ABCD3: variants seen among roughly 807,000 people sequenced by gnomAD.
ABCD3 encodes the protein ATP-binding cassette sub-family D member 3.
A neutral mutation model predicts 105.5 loss-of-function variants in ABCD3; 41 were observed. That is an observed-to-expected ratio of 0.39 (90% CI 0.30 to 0.50). The LOEUF (loss-of-function observed/expected upper bound fraction) is 0.50. ABCD3 is among the 20% of genes least tolerant of loss of function. ABCD3 has a pLI of 0.84. For missense variants in ABCD3, 622 were observed against 806.3 expected (o/e 0.77, Z 2.77); for synonymous variants, 258 against 269.0 (o/e 0.96, Z 0.40).
At chr1:94,449,763 G>A (rs921735073) in intron 1 of ABCD3, among the ~76,000 whole-genome samples, 9 of 152,192 alleles carry the variant, frequency 5.9e-5, no homozygotes, top group South Asian at 2.1e-4. Flanking sequence ...CTCAGTCTGC[G>A]TGCCACAGCC....
chr1:94,494,248 A>C (rs2101032362), intron 16 of ABCD3, among the ~76,000 whole-genome samples: 1 of 152,230 alleles, frequency 6.6e-6, no homozygotes, highest in Non-Finnish European at 1.5e-5. Flanking sequence ...TTTCATTTGG[A>C]AAGTCTTGAG....
chr1:94,470,186 T>C (rs1370796642), intron 4 of ABCD3, among the ~76,000 whole-genome samples: 1 of 152,228 alleles, frequency 6.6e-6, no homozygotes, highest in Non-Finnish European at 1.5e-5. Flanking sequence ...GTCTTTCTTC[T>C]AGTCTCATAC....
intron 1 of ABCD3, among the ~76,000 whole-genome samples, chr1:94,448,364 A>C (rs1047727097): frequency 6.6e-6 from 1 of 152,222 alleles, no homozygotes; most frequent in Admixed American, 6.5e-5. Flanking sequence ...TTTTCCTAAA[A>C]CGAAACTGTT....
intron 1 of ABCD3, among the ~76,000 whole-genome samples, chr1:94,428,330 A>G (rs995703916): frequency 5.3e-5 from 8 of 152,204 alleles, no homozygotes; most frequent in Admixed American, 2.6e-4. Context: ...GATTTACTCT[A>G]TGCTTAAATT....
chr1:94,385,494 T>C, the ABCD3 span, among the ~76,000 whole-genome samples: 1 of 152,180 alleles, frequency 6.6e-6, no homozygotes, highest in Non-Finnish European at 1.5e-5. Flanking sequence ...ACCCATGCTG[T>C]TGCACAGAGC....
intron 1 of ABCD3, 91 bp downstream of exon 1, chr1:94,418,679 G>A: frequency 7.3e-7 from 1 of 1,371,058 alleles, no homozygotes; most frequent in Non-Finnish European, 1.0e-6. Flanking sequence ...AGGTCTCTTT[G>A]CCCGACGGGG....
the ABCD3 span, chr1:94,406,343 T>G: frequency 2.5e-5 from 5 of 199,830 alleles, no homozygotes; most frequent in East Asian, 4.0e-4. Context: ...TTGTTTTGTT[T>G]TTTTTTTTTT....
In ABCD3 at chr1:94,518,293, AC is replaced by A; in HGVS notation, c.*1165del. 2 of 152,388 alleles carry A rather than the reference AC, an allele frequency of 1.3e-5. No individual in the cohort carries two copies. Among genetic ancestry groups the A allele is most frequent in the South Asian group, 4.1e-4 (2 of 4,826 alleles). The allele number at this position is 152,388 out of a possible 1,614,324, so 9.4% of individuals were successfully genotyped here. ...ACTGAGTATAATCAATAAGCTAGAT[AC>A]GAAATCAGTTTCTCAAACTGAGCTT... On this transcript the variant is annotated 3_prime_UTR_variant, in exon 23 of 23. Coordinates refer to ENST00000370214, the MANE Select transcript of ABCD3 (RefSeq NM_002858.4).
intron 16 of ABCD3, among the ~76,000 whole-genome samples, chr1:94,494,245 T>A (rs1163768963): frequency 6.6e-6 from 1 of 152,184 alleles, no homozygotes; most frequent in South Asian, 2.1e-4. Flanking sequence ...GGGTTTCATT[T>A]GGAAAGTCTT....
intron 21 of ABCD3, among the ~76,000 whole-genome samples, chr1:94,511,641 G>A (rs1384839044): frequency 6.6e-6 from 1 of 152,144 alleles, no homozygotes; most frequent in Non-Finnish European, 1.5e-5. Flanking sequence ...ATCAGATGTA[G>A]ATTTGGTCTT....
chr1:94,478,782 T>G (rs1433165227), intron 8 of ABCD3: 1 of 675,720 alleles, frequency 1.5e-6, no homozygotes, highest in East Asian at 3.9e-5. Context: ...GACATCCATT[T>G]TAATATGAAA....
rs1245134600 is a variant in ABCD3 at position 94,518,041 on chromosome 1, A to G, written c.*912A>G. 2.0e-5 allele frequency: 3 copies of G among 151,924 alleles called. No individual in the cohort carries two copies. The highest frequency in any genetic ancestry group is 6.6e-5 in the Admixed American group (1 of 15,212). 9.4% of individuals were successfully genotyped at this position (151,924 alleles called of 1,614,324 possible). On this transcript the variant is annotated 3_prime_UTR_variant, in exon 23 of 23. Coordinates refer to ENST00000370214, the MANE Select transcript of ABCD3 (RefSeq NM_002858.4). ...CATGAAATAATGCACTGAGTATGCA[A>G]TGCTATCACTGTCTTTGACTGTGAT...
At chr1:94,392,106 C>T in the ABCD3 span, among the ~76,000 whole-genome samples, 1 of 152,184 alleles carries the variant, frequency 6.6e-6, no homozygotes, top group African/African-American at 2.4e-5. Flanking sequence ...CCCTATTCTC[C>T]TGCCTCTGTG....
upstream of ABCD3, among the ~76,000 whole-genome samples, chr1:94,416,189 A>T (rs1382637458): frequency 6.6e-6 from 1 of 152,152 alleles, no homozygotes; most frequent in Non-Finnish European, 1.5e-5. Flanking sequence ...ACTTTCTCAC[A>T]AGGTTCCCAA....
intron 1 of ABCD3, among the ~76,000 whole-genome samples, chr1:94,440,537 T>C (rs551909131): frequency 1.3e-5 from 2 of 152,330 alleles, no homozygotes; most frequent in South Asian, 4.1e-4. Context: ...TTGCTTACAG[T>C]GCTGTTTACT....
At chr1:94,469,244 G>T (rs1384861521) in intron 4 of ABCD3, among the ~76,000 whole-genome samples, 1 of 152,064 alleles carries the variant, frequency 6.6e-6, no homozygotes, top group Admixed American at 6.6e-5. Context: ...TTTCAAGAGT[G>T]TAAGTGTTCA....
chr1:94,497,310 T>C (rs1267033541), intron 16 of ABCD3, among the ~76,000 whole-genome samples: 1 of 152,250 alleles, frequency 6.6e-6, no homozygotes. Flanking sequence ...TTCATTAATA[T>C]GGCCTACTTG....
Position 94,475,622 on chromosome 1 carries a change from C to T in ABCD3, c.512C>T (p.Thr171Ile). ...TCTTCTTGCTATTTTAGAGCTTTCACATATTATAAAATGGGGAATCTGGAC... is the reference window on the plus strand; with the variant it reads ...TCTTCTTGCTATTTTAGAGCTTTCATATATTATAAAATGGGGAATCTGGAC... ...YLYEEYLQAF[T>I]YYKMGNLDNR... The change falls in exon 7 of 23, where the codon ACA becomes ATA. Residue 171 changes from threonine (T) to isoleucine (I), a missense_variant. Physicochemically the swap from Thr to Ile is moderately conservative, Grantham distance 89 (BLOSUM62 -1). This residue lies in a region of ABCD3 where 245 missense variants were observed against 356.4 expected (regional missense o/e 0.69). Coordinates refer to ENST00000370214, the MANE Select transcript of ABCD3 (RefSeq NM_002858.4). 1 of 1,611,408 alleles carries T rather than the reference C, an allele frequency of 6.2e-7. No homozygotes were observed. The highest frequency in any genetic ancestry group is 1.1e-5 in the South Asian group (1 of 90,974).
chr1:94,434,673 C>CT (rs759297067), intron 1 of ABCD3, among the ~76,000 whole-genome samples: 18 of 152,276 alleles, frequency 1.2e-4, no homozygotes, highest in African/African-American at 2.9e-4. Context: ...GTGCAATACT[C>CT]TAAGAGTTAA....
Sources: allele counts gnomAD v4.1 joint callset (sites outside exome capture counted in the v4.1 genomes callset), GRCh38; gene constraint gnomAD v4.1.1; regional missense constraint gnomAD v4.1.1; transcripts MANE v1.5; gene names NCBI Gene and HGNC (gene_info 2026-07-23, HGNC 2026-07-21).